The following CRY1 variants were observed in gnomAD, a reference collection of about 807,000 sequenced individuals.
The protein encoded by CRY1 is cryptochrome circadian regulator 1, also known as cryptochrome-1.
A neutral mutation model predicts 76.0 loss-of-function variants in CRY1; 45 were observed. That is an observed-to-expected ratio of 0.59 (90% CI 0.47 to 0.76). The LOEUF (loss-of-function observed/expected upper bound fraction) is 0.76. Among genes scored for constraint, CRY1 ranks in the 30% least tolerant of loss-of-function variants. CRY1 has a pLI of 0.00. For synonymous variants in CRY1, 248 were observed against 244.0 expected (o/e 1.02, Z -0.15); for missense variants, 587 against 716.4 (o/e 0.82, Z 2.06).
intron 1 of CRY1, among the ~76,000 whole-genome samples, chr12:107,082,457 T>G (rs2136900410): frequency 6.6e-6 from 1 of 152,260 alleles, no homozygotes; most frequent in African/African-American, 2.4e-5. Flanking sequence ...AAAACACTCC[T>G]CAGCAAATGC....
intron 10 of CRY1, 39 bp downstream of exon 10, chr12:106,997,255 C>T: frequency 6.7e-7 from 1 of 1,497,790 alleles, no homozygotes; most frequent in Non-Finnish European, 9.3e-7. Context: ...TTAATAACCT[C>T]TTCATGTTAC....
rs770748269 is a variant in CRY1 at position 106,997,703 on chromosome 12, A to G, written c.1290-13T>C. The G allele has an allele frequency of 9.3e-6, 15 of 1,613,108 alleles. No individual in the cohort carries two copies. The highest frequency in any genetic ancestry group is 3.3e-5 in the Admixed American group (2 of 59,860). ...AGGCAAATAACGCCTTTGGGAGAAA[A>G]AAGAAAGATTACTAATAAAATGCAC... is the stretch of plus-strand genomic sequence containing the variant. On this transcript the variant is annotated splice_polypyrimidine_tract_variant and intron_variant, in intron 8 of 12. Transcript: ENST00000008527.
chr12:107,048,301 C>T lies in CRY1; in HGVS notation c.159-26109G>A, dbSNP rs531401932. 2.6e-5 allele frequency among the ~76,000 whole-genome samples: 4 copies of T among 152,168 alleles called. No individual in the cohort carries two copies. In the South Asian group the frequency reaches 6.2e-4, roughly 24 times the overall value. ...TTCACTACGTTGGCCAGGCTGGTCT[C>T]GAACTCTGGACCTCATGATCCACCC... is the stretch of plus-strand genomic sequence containing the variant. On this transcript the variant is annotated intron_variant, in intron 1 of 12. Transcript: ENST00000008527.
At chr12:107,036,106 G>C (rs1367983063) in intron 1 of CRY1, among the ~76,000 whole-genome samples, 1 of 152,170 alleles carries the variant, frequency 6.6e-6, no homozygotes, top group African/African-American at 2.4e-5. Flanking sequence ...CCACAGTAGG[G>C]GAAGAACTGG....
chr12:107,016,207 G>A (rs1407958576), intron 2 of CRY1, among the ~76,000 whole-genome samples: 1 of 152,146 alleles, frequency 6.6e-6, no homozygotes, highest in African/African-American at 2.4e-5. Context: ...CTACTCAGTA[G>A]GCTGAGGCAC....
At chr12:107,056,271 G>C (rs1294165853) in intron 1 of CRY1, among the ~76,000 whole-genome samples, 1 of 152,224 alleles carries the variant, frequency 6.6e-6, no homozygotes, top group Non-Finnish European at 1.5e-5. Flanking sequence ...CACACCTTTT[G>C]TGAGGTTGCC....
At chr12:107,062,863 C>G (rs1195670387) in intron 1 of CRY1, among the ~76,000 whole-genome samples, 1 of 152,124 alleles carries the variant, frequency 6.6e-6, no homozygotes, top group Non-Finnish European at 1.5e-5. Flanking sequence ...GAATTTCAGT[C>G]TTTTTGGCAA....
intron 1 of CRY1, among the ~76,000 whole-genome samples, chr12:107,063,932 T>C (rs746455362): frequency 3.3e-5 from 5 of 152,156 alleles, no homozygotes; most frequent in African/African-American, 1.2e-4. Context: ...ATTATATTCA[T>C]ACTGGGGTTG....
chr12:107,054,136 T>C (rs1160119300), intron 1 of CRY1, among the ~76,000 whole-genome samples: 1 of 152,116 alleles, frequency 6.6e-6, no homozygotes, highest in Non-Finnish European at 1.5e-5. Flanking sequence ...ATACTGGCCT[T>C]ATAAAACAAG....
intron 2 of CRY1, among the ~76,000 whole-genome samples, chr12:107,006,776 C>T (rs1341753180): frequency 6.6e-6 from 1 of 151,280 alleles, no homozygotes; most frequent in African/African-American, 2.4e-5. Flanking sequence ...CTCAGCCTCC[C>T]GAGTAGCTGG....
Position 106,998,025 on chromosome 12 carries a change from A to G in CRY1, c.1179T>C (p.Asn393=). The change falls in exon 8 of 13, where the codon AAT becomes AAC. Residue 393 remains asparagine, a synonymous_variant. Transcript: ENST00000008527. ...AAGACAGCCACATCCAACTTCCAGC[A>G]TTTATGCTCCAATCTGCATCAAGCA... is the stretch of plus-strand genomic sequence containing the variant. The part of the protein sequence containing the change: ...ELLLDADWSI[N]AGSWMWLSCS... 1.2e-6 allele frequency: 2 copies of G among 1,614,176 alleles called. No individual in the cohort carries two copies. The highest frequency in any genetic ancestry group is 1.7e-6 in the Non-Finnish European group (2 of 1,179,996).
intron 1 of CRY1, among the ~76,000 whole-genome samples, chr12:107,033,534 T>C (rs1952701608): frequency 6.6e-6 from 1 of 152,182 alleles, no homozygotes; most frequent in South Asian, 2.1e-4. Flanking sequence ...AAACATATTA[T>C]ATATCATGAT....
chr12:107,016,382 T>G (rs1244013304), intron 2 of CRY1, among the ~76,000 whole-genome samples: 1 of 152,112 alleles, frequency 6.6e-6, no homozygotes, highest in Non-Finnish European at 1.5e-5. Context: ...AAAAAAGTTC[T>G]TAAGTCATAA....
At chr12:107,048,159 C>G (rs765442254) in intron 1 of CRY1, among the ~76,000 whole-genome samples, 1 of 151,802 alleles carries the variant, frequency 6.6e-6, no homozygotes, top group Non-Finnish European at 1.5e-5. Flanking sequence ...CCATTTACTG[C>G]AACCTCCGCC....
intron 1 of CRY1, chr12:107,073,157 C>T (rs1953211488): frequency 6.6e-6 from 1 of 152,160 alleles, no homozygotes; most frequent in Non-Finnish European, 1.5e-5. Flanking sequence ...GGCATTGAGG[C>T]TTATCGCTAA....
rs548246583 is a variant in CRY1 at position 107,055,850 on chromosome 12, G to C, written c.159-33658C>G. ...AAAAAAAAAAAGAATGAAAGAAAAG[G>C]GCAAAATAACCATAGATACTACATA... On this transcript the variant is annotated intron_variant, in intron 1 of 12. Transcript: ENST00000008527. Among the ~76,000 whole-genome samples, 4 of 151,550 alleles carry C rather than the reference G, an allele frequency of 2.6e-5. No individual in the cohort carries two copies. The South Asian group carries it at 6.3e-4, about 24-fold the overall frequency.
rs530612452 is a variant in CRY1, at chr12:107,080,666, G to GA, written c.158+12137dup. On this transcript the variant is annotated intron_variant, in intron 1 of 12. Coordinates refer to ENST00000008527, the MANE Select transcript of CRY1 (RefSeq NM_004075.5). ...AACATTGTTAAAAAAAAATAAAAAA[G>GA]AAAAAAAGAAAAAAGTCAGGGAATG... 5.7e-4 allele frequency among the ~76,000 whole-genome samples: 87 copies of GA among 151,584 alleles called. No homozygotes were observed. In the East Asian group the frequency reaches 0.014, roughly 24 times the overall value.
chr12:107,067,534 T>C (rs1953127819), intron 1 of CRY1, among the ~76,000 whole-genome samples: 2 of 152,022 alleles, frequency 1.3e-5, no homozygotes, highest in Non-Finnish European at 2.9e-5. Flanking sequence ...TAGGACTGCA[T>C]GTTAGGAAGA....
At chr12:107,049,522 G>A (rs1313364309) in intron 1 of CRY1, among the ~76,000 whole-genome samples, 2 of 151,950 alleles carry the variant, frequency 1.3e-5, no homozygotes, top group East Asian at 1.9e-4. Flanking sequence ...CTACAGGCAC[G>A]TGCCACCAAA....
Sources: gnomAD v4.1 joint callset for allele counts (sites outside exome capture counted in the v4.1 genomes callset) on GRCh38, gnomAD v4.1.1 for gene constraint, MANE v1.5 for transcripts, NCBI Gene and HGNC (gene_info 2026-07-23, HGNC 2026-07-21) for gene names.